Variants in EYA2 observed in about 807,000 individuals in gnomAD.
EYA2 encodes protein phosphatase EYA2.
EYA2 carries 31 observed loss-of-function variants against 69.2 expected under a neutral mutation model. The observed-to-expected ratio is 0.45, with a 90% CI of 0.34 to 0.60. The LOEUF (loss-of-function observed/expected upper bound fraction) is 0.60. Ranked by LOEUF, EYA2 falls within the 20% of genes least tolerant of loss-of-function variation. The pLI is 0.02. For synonymous variants in EYA2, 257 were observed against 279.4 expected, an observed-to-expected ratio of 0.92 and a Z score of 0.80; for missense variants, 622 against 701.2, an observed-to-expected ratio of 0.89 and a Z score of 1.28.
chr20:46,961,190 C>A (rs1979452989), intron 1 of EYA2, among the ~76,000 whole-genome samples: 1 of 152,096 alleles, frequency 6.6e-6, no homozygotes, highest in South Asian at 2.1e-4. Context: ...CAAAAATTAG[C>A]CGGGCGTGGT....
At chr20:47,167,684 C>T (rs1188217149) in intron 10 of EYA2, among the ~76,000 whole-genome samples, 4 of 152,048 alleles carry the variant, frequency 2.6e-5, no homozygotes, top group Non-Finnish European at 2.9e-5. Context: ...TCCAGTCACC[C>T]TCTCCTTTCT....
chr20:47,037,750 G>C (rs778839230), intron 5 of EYA2, among the ~76,000 whole-genome samples: 1 of 152,164 alleles, frequency 6.6e-6, no homozygotes, highest in African/African-American at 2.4e-5. Context: ...CACTTTTGAG[G>C]ACCCTGGTGA....
At position 46,983,131 on chromosome 20, in the gene EYA2, AT is replaced by A. The variant is rs549556511; in HGVS notation, c.-10-6863del. Among the ~76,000 whole-genome samples, 25 of 152,188 alleles carry A rather than the reference AT, an allele frequency of 1.6e-4. No homozygotes were observed. The East Asian group carries it at 4.8e-3, about 29-fold the overall frequency. On this transcript the variant is annotated intron_variant, in intron 1 of 15. Transcript: ENST00000327619. The stretch of plus-strand genomic sequence containing the variant: ...TTAGCAGCATTCTCATCTTAAATCA[AT>A]TTTTTTATTATATTATCACAGTTGC...
At chr20:47,013,811 C>T (rs6066163) in intron 4 of EYA2, among the ~76,000 whole-genome samples, 1 of 152,192 alleles carries the variant, frequency 6.6e-6, no homozygotes, top group Admixed American at 6.5e-5. Context: ...TTAACGACTC[C>T]TAGTGGACTG....
intron 12 of EYA2, 128 bp downstream of exon 12, chr20:47,172,995 C>T (rs769988415): frequency 1.6e-5 from 16 of 998,874 alleles, no homozygotes; most frequent in Non-Finnish European, 2.3e-5. Flanking sequence ...CTTAATGCAA[C>T]CCTGACGACA....
At chr20:46,905,714 A>G (rs974642993) in intron 1 of EYA2, among the ~76,000 whole-genome samples, 62 of 152,278 alleles carry the variant, frequency 4.1e-4, no homozygotes, top group African/African-American at 1.2e-3. Context: ...GGTCCCCTCT[A>G]TCACCAACCT....
intron 9 of EYA2, among the ~76,000 whole-genome samples, chr20:47,138,071 A>G (rs995429209): frequency 6.6e-5 from 10 of 152,052 alleles, no homozygotes; most frequent in Admixed American, 1.3e-4. Flanking sequence ...GCACACCAGC[A>G]TGGCACATGT....
At chr20:47,073,597 G>A (rs1007223318) in intron 6 of EYA2, among the ~76,000 whole-genome samples, 7 of 152,072 alleles carry the variant, frequency 4.6e-5, no homozygotes, top group Non-Finnish European at 1.0e-4. Flanking sequence ...TTCAGGTGCA[G>A]AGGATACAAT....
At chr20:47,134,341 G>A (rs1424306089) in intron 9 of EYA2, among the ~76,000 whole-genome samples, 1 of 152,168 alleles carries the variant, frequency 6.6e-6, no homozygotes, top group Admixed American at 6.5e-5. Context: ...GATTAGACCT[G>A]AGTTCAGTGC....
At chr20:47,160,262 T>G (rs6018309) in intron 10 of EYA2, among the ~76,000 whole-genome samples, 34,664 of 152,048 alleles carry the variant, frequency 0.23, 4,979 homozygotes, top group African/African-American at 0.42. Context: ...AAGGACCAGA[T>G]AGTAAATATT....
At chr20:47,177,357 C>T (rs1418983795) in intron 12 of EYA2, among the ~76,000 whole-genome samples, 2 of 152,210 alleles carry the variant, frequency 1.3e-5, no homozygotes, top group Non-Finnish European at 2.9e-5. Context: ...AGCGATCCTC[C>T]CACCTCAGCC....
chr20:46,895,019 C>A (rs969017652), intron 1 of EYA2, 32 bp downstream of exon 1: 1 of 151,782 alleles, frequency 6.6e-6, no homozygotes, highest in Non-Finnish European at 1.5e-5. Flanking sequence ...CACCCCAGGC[C>A]GCCCGCCGGG....
At chr20:47,107,537 A>T (rs2032619829) in intron 9 of EYA2, among the ~76,000 whole-genome samples, 2 of 147,086 alleles carry the variant, frequency 1.4e-5, no homozygotes, top group South Asian at 4.3e-4. Flanking sequence ...AAAAAAAAAA[A>T]AAAAGAAAGA....
At chr20:47,005,248 A>G (rs568491711) in intron 4 of EYA2, among the ~76,000 whole-genome samples, 164 bp downstream of exon 4, 2 of 152,372 alleles carry the variant, frequency 1.3e-5, no homozygotes, top group African/African-American at 4.8e-5. Context: ...TTCAAATTCT[A>G]TAGCCTATAA....
At chr20:46,952,642 T>A (rs963272971) in intron 1 of EYA2, among the ~76,000 whole-genome samples, 1 of 152,076 alleles carries the variant, frequency 6.6e-6, no homozygotes, top group Non-Finnish European at 1.5e-5. Context: ...CCGCACACAA[T>A]GGAAAAGTAA....
At chr20:47,089,477 A>G in intron 8 of EYA2, 96 bp downstream of exon 8, 1 of 1,390,254 alleles carries the variant, frequency 7.2e-7, no homozygotes, top group South Asian at 1.4e-5. Context: ...TACGAGGCGG[A>G]GAATCGCCCT....
intron 9 of EYA2, among the ~76,000 whole-genome samples, chr20:47,108,285 G>A (rs906688863): frequency 3.3e-5 from 5 of 152,048 alleles, no homozygotes; most frequent in Admixed American, 3.3e-4. Context: ...TAGTTCCCGT[G>A]AGAACTCGTT....
At chr20:46,919,854 A>G (rs1985100212) in intron 1 of EYA2, among the ~76,000 whole-genome samples, 1 of 152,238 alleles carries the variant, frequency 6.6e-6, no homozygotes, top group Non-Finnish European at 1.5e-5. Flanking sequence ...ATTTAAAGTG[A>G]AAGCCATGCG....
At chr20:47,020,265 A>G (rs1983670178) in intron 5 of EYA2, among the ~76,000 whole-genome samples, 1 of 152,236 alleles carries the variant, frequency 6.6e-6, no homozygotes, top group African/African-American at 2.4e-5. Flanking sequence ...AGCAAGCTTT[A>G]GACAAGCCAG....
Sources: gnomAD v4.1 joint callset for allele counts (sites outside exome capture counted in the v4.1 genomes callset) on GRCh38, gnomAD v4.1.1 for gene constraint, MANE v1.5 for transcripts, NCBI Gene and HGNC (gene_info 2026-07-23, HGNC 2026-07-21) for gene names.